NETO1: variants seen among roughly 807,000 people sequenced by gnomAD.
NETO1 encodes the protein neuropilin and tolloid-like protein 1.
Under a neutral mutation model 61.3 loss-of-function variants are expected in NETO1, and 26 were observed. The observed-to-expected ratio is 0.42, with a 90% CI of 0.31 to 0.59. The LOEUF is 0.59. Among genes scored for constraint, NETO1 ranks in the 20% least tolerant of loss-of-function variants. NETO1 has a pLI of 0.12. For missense variants in NETO1, 531 were observed against 662.8 expected (o/e 0.80, Z 2.18); for synonymous variants, 225 against 225.8 (o/e 1.00, Z 0.03).
At chr18:72,822,182 C>T (rs147268406) in intron 4 of NETO1, among the ~76,000 whole-genome samples, 346 of 152,248 alleles carry the variant, frequency 2.3e-3, no homozygotes, top group South Asian at 7.1e-3. Context: ...GTGTGACCCA[C>T]GGATACAGAA....
chr18:72,814,657 T>C (rs2072972975), intron 4 of NETO1, among the ~76,000 whole-genome samples: 1 of 151,992 alleles, frequency 6.6e-6, no homozygotes, highest in Admixed American at 6.6e-5. Flanking sequence ...CGTAACTGTT[T>C]AAAATGTTAG....
chr18:72,761,800 T>G (rs149860373), intron 7 of NETO1, among the ~76,000 whole-genome samples: 1 of 152,284 alleles, frequency 6.6e-6, no homozygotes, highest in Non-Finnish European at 1.5e-5. Flanking sequence ...TAATCTTCAG[T>G]TAACATTTAT....
intron 4 of NETO1, among the ~76,000 whole-genome samples, chr18:72,843,349 A>G (rs754748001): frequency 6.6e-6 from 1 of 152,224 alleles, no homozygotes; most frequent in Non-Finnish European, 1.5e-5. Context: ...ACGAATAGAA[A>G]AAAAGTTACT....
rs1367618631 is a variant in NETO1 at position 72,750,068 on chromosome 18, A to G, written c.1535T>C (p.Val512Ala). The G allele has an allele frequency of 4.4e-6, 7 of 1,573,694 alleles. No homozygotes were observed. The highest frequency in any genetic ancestry group is 5.2e-6 in the Non-Finnish European group (6 of 1,159,470). ...SHRLSRHDKAVQRFCLIGSLS... is the reference protein window; with the variant it reads ...SHRLSRHDKAAQRFCLIGSLS... ...AAAATCTATTGATACTGACCGCTGG[A>G]CGGCTTTATCGTGTCTGGACAGCCT... Residue 512 changes from valine (V) to alanine (A), a missense_variant, in exon 9 of 11, where the codon GTC (valine) becomes GCC (alanine). By Grantham distance (64) the Val-to-Ala change is moderately conservative. Coordinates refer to ENST00000327305, the MANE Select transcript of NETO1 (RefSeq NM_138966.5).
chr18:72,790,042 A>C (rs1383804895), intron 6 of NETO1, among the ~76,000 whole-genome samples: 4 of 152,160 alleles, frequency 2.6e-5, no homozygotes, highest in Non-Finnish European at 4.4e-5. Context: ...TATATTTTTT[A>C]TTTTAATTTG....
chr18:72,823,960 C>A lies in NETO1; in HGVS notation c.470-29556G>T, dbSNP rs565271396. Among the ~76,000 whole-genome samples, 419 of 152,274 alleles carry A rather than the reference C, an allele frequency of 2.8e-3. 6 individuals carry two copies. The highest frequency in any genetic ancestry group is 9.7e-3 in the African/African-American group (401 of 41,550). On this transcript the variant is annotated intron_variant, in intron 4 of 10. Coordinates refer to ENST00000327305, the MANE Select transcript of NETO1 (RefSeq NM_138966.5). ...TAGACAAACAGGACAAAATGAAAAA[C>A]CACTGGAGGGGCTTGTAAAGAAGTG...
At chr18:72,806,042 G>C (rs1204112117) in intron 4 of NETO1, among the ~76,000 whole-genome samples, 1 of 152,106 alleles carries the variant, frequency 6.6e-6, no homozygotes, top group African/African-American at 2.4e-5. Context: ...TGCTGCCCCA[G>C]GAAACAAGTA....
At chr18:72,811,821 A>G (rs1208236805) in intron 4 of NETO1, among the ~76,000 whole-genome samples, 1 of 152,180 alleles carries the variant, frequency 6.6e-6, no homozygotes, top group Non-Finnish European at 1.5e-5. Flanking sequence ...AGAAAAAAAA[A>G]GTAACTCATT....
At chr18:72,806,117 G>C (rs2072667301) in intron 4 of NETO1, among the ~76,000 whole-genome samples, 1 of 152,078 alleles carries the variant, frequency 6.6e-6, no homozygotes, top group Non-Finnish European at 1.5e-5. Context: ...TTTTCACCCT[G>C]AAGCCCAGTA....
intron 4 of NETO1, among the ~76,000 whole-genome samples, chr18:72,856,430 G>C (rs182188120): frequency 4.6e-4 from 70 of 152,260 alleles, no homozygotes; most frequent in Non-Finnish European, 7.4e-4. Context: ...CCTGTACCAA[G>C]CATGCTTTGT....
chr18:72,781,947 C>T (rs1329328218), intron 7 of NETO1, among the ~76,000 whole-genome samples: 3 of 152,160 alleles, frequency 2.0e-5, no homozygotes, highest in African/African-American at 7.2e-5. Context: ...TTTCATCACC[C>T]ATATAATAAG....
intron 7 of NETO1, among the ~76,000 whole-genome samples, chr18:72,779,463 T>G (rs1184742132): frequency 9.2e-5 from 14 of 152,102 alleles, no homozygotes; most frequent in Non-Finnish European, 1.9e-4. Flanking sequence ...TAATATTGAA[T>G]AAAGCAATAC....
chr18:72,744,942 G>C lies in NETO1; in HGVS notation c.*3237C>G, dbSNP rs2070399296. 1 of 151,994 alleles carries C rather than the reference G, an allele frequency of 6.6e-6. No homozygotes were observed. The highest frequency in any genetic ancestry group is 2.4e-5 in the African/African-American group (1 of 41,394). 9.4% of individuals were successfully genotyped at this position (151,994 alleles called of 1,614,324 possible). On this transcript the variant is annotated 3_prime_UTR_variant, in exon 11 of 11. Coordinates refer to ENST00000327305, the MANE Select transcript of NETO1 (RefSeq NM_138966.5). ...ATTAAATTCCTAAGGGAAAAATACAGAAAAAAATGATACAGAAGCTTAAGT... is the reference window on the plus strand; with the variant it reads ...ATTAAATTCCTAAGGGAAAAATACACAAAAAAATGATACAGAAGCTTAAGT...
At chr18:72,783,640 T>A in intron 7 of NETO1, 38 bp downstream of exon 7, 1 of 1,550,474 alleles carries the variant, frequency 6.4e-7, no homozygotes, top group South Asian at 1.1e-5. Flanking sequence ...TCATATGGCA[T>A]ATACGAAGGA....
chr18:72,815,129 A>G (rs1425566547), intron 4 of NETO1, among the ~76,000 whole-genome samples: 3 of 152,156 alleles, frequency 2.0e-5, no homozygotes, highest in Admixed American at 6.5e-5. Flanking sequence ...TCATGTTGGT[A>G]TAACTCAGTA....
chr18:72,851,333 C>T (rs559929365), intron 4 of NETO1, among the ~76,000 whole-genome samples: 1 of 151,942 alleles, frequency 6.6e-6, no homozygotes, highest in African/African-American at 2.4e-5. Context: ...ATTATGTGAA[C>T]CCGGGAGAAG....
intron 4 of NETO1, among the ~76,000 whole-genome samples, chr18:72,828,632 TATA>T (rs2145367623): frequency 6.6e-6 from 1 of 152,286 alleles, no homozygotes; most frequent in African/African-American, 2.4e-5. Context: ...ATCTAGAAGG[TATA>T]ATGTATTCTA....
chr18:72,751,612 C>T (rs1392868252), intron 8 of NETO1, among the ~76,000 whole-genome samples: 1 of 152,190 alleles, frequency 6.6e-6, no homozygotes, highest in Non-Finnish European at 1.5e-5. Context: ...GAGCTCAACA[C>T]CAGGTGTCTC....
chr18:72,826,284 G>A (rs893408420), intron 4 of NETO1, among the ~76,000 whole-genome samples: 3 of 151,864 alleles, frequency 2.0e-5, no homozygotes, highest in East Asian at 3.9e-4. Flanking sequence ...AATTATAATT[G>A]GTCTGATATT....
Sources: allele counts gnomAD v4.1 joint callset (sites outside exome capture counted in the v4.1 genomes callset), GRCh38; gene constraint gnomAD v4.1.1; transcripts MANE v1.5; gene names NCBI Gene and HGNC (gene_info 2026-07-23, HGNC 2026-07-21).